The following ARSB variants were observed in gnomAD, a reference collection of about 807,000 sequenced individuals.
ARSB encodes the protein arylsulfatase B, also known as N-acetylgalactosamine-4-sulfatase.
ARSB carries 41 observed loss-of-function variants against 50.9 expected under a neutral mutation model. The observed-to-expected ratio is 0.81, with a 90% CI of 0.63 to 1.04. ARSB has a LOEUF of 1.04. ARSB is among the 50% of genes least tolerant of loss of function. The probability of loss-of-function intolerance (pLI) is 0.00; values close to 1 mark genes in which losing one functional copy is unlikely to be tolerated. For missense variants in ARSB, 672 were observed against 693.3 expected (o/e 0.97, Z 0.35); for synonymous variants, 269 against 284.8 (o/e 0.94, Z 0.56).
chr5:78,972,931 T>C (rs1752521549), intron 1 of ARSB, among the ~76,000 whole-genome samples: 1 of 152,208 alleles, frequency 6.6e-6, no homozygotes, highest in African/African-American at 2.4e-5. Flanking sequence ...ACAGAGCATT[T>C]TTATGGCATT....
At chr5:78,817,077 G>A (rs1744018552) in intron 6 of ARSB, 3 of 985,156 alleles carry the variant, frequency 3.0e-6, no homozygotes, top group South Asian at 9.4e-5. Context: ...AGCCCTCTGG[G>A]CCCTTCTGTA....
At chr5:78,797,222 A>T (rs1042555410) in intron 6 of ARSB, among the ~76,000 whole-genome samples, 2 of 152,146 alleles carry the variant, frequency 1.3e-5, no homozygotes, top group African/African-American at 4.8e-5. Context: ...TTGGTCTCCG[A>T]AAGTGCCGGG....
At chr5:78,946,677 C>T (rs915383197) in intron 4 of ARSB, among the ~76,000 whole-genome samples, 1 of 152,142 alleles carries the variant, frequency 6.6e-6, no homozygotes, top group African/African-American at 2.4e-5. Context: ...TTGGAACAAT[C>T]AATATTGTTA....
At chr5:78,789,138 T>C (rs1211392641) in intron 6 of ARSB, among the ~76,000 whole-genome samples, 2 of 152,248 alleles carry the variant, frequency 1.3e-5, no homozygotes, top group African/African-American at 4.8e-5. Context: ...CAGTCTATGA[T>C]TGTACTTTTA....
At chr5:78,854,633 TTG>T (rs201564412) in intron 5 of ARSB, among the ~76,000 whole-genome samples, 19,259 of 152,234 alleles carry the variant, frequency 0.13, 1,385 homozygotes, top group Middle Eastern at 0.21. Context: ...AGGTTTTCTC[TTG>T]TTTCTCTTTC....
intron 6 of ARSB, among the ~76,000 whole-genome samples, chr5:78,829,750 C>T (rs998837839): frequency 2.0e-5 from 3 of 152,168 alleles, no homozygotes; most frequent in African/African-American, 7.2e-5. Context: ...AAAATTCTGA[C>T]AAGATCAATA....
intron 1 of ARSB, among the ~76,000 whole-genome samples, chr5:78,982,910 A>G (rs1022634989): frequency 3.3e-5 from 5 of 152,168 alleles, no homozygotes; most frequent in African/African-American, 1.2e-4. Flanking sequence ...TAAACCTTTC[A>G]GAGTGCCCAG....
At position 78,846,683 on chromosome 5, in the gene ARSB, T is replaced by C. The variant is rs149094843; in HGVS notation, c.1143-7257A>G. 1.1e-3 allele frequency among the ~76,000 whole-genome samples: 174 copies of C among 152,328 alleles called. 1 individual carries two copies. The highest frequency in any genetic ancestry group is 3.9e-3 in the African/African-American group (163 of 41,578). ...TTAGGGTTTTCTGTATATATGATGA[T>C]ATCATCTGCAAATAGGGACAATTTG... On this transcript the variant is annotated intron_variant, in intron 5 of 7. Transcript: ENST00000264914.
intron 4 of ARSB, among the ~76,000 whole-genome samples, chr5:78,937,786 CA>C (rs1750705096): frequency 6.6e-6 from 1 of 151,692 alleles, no homozygotes; most frequent in Non-Finnish European, 1.5e-5. Flanking sequence ...CTTCTAGTTC[CA>C]AAATGATAAC....
At chr5:78,940,172 T>C (rs1280102595) in intron 4 of ARSB, among the ~76,000 whole-genome samples, 2 of 152,244 alleles carry the variant, frequency 1.3e-5, no homozygotes, top group Non-Finnish European at 1.5e-5. Context: ...TTGTAGATTC[T>C]GGATATTAGC....
chr5:78,910,724 A>G (rs1352459096), intron 4 of ARSB, among the ~76,000 whole-genome samples: 1 of 152,116 alleles, frequency 6.6e-6, no homozygotes, highest in African/African-American at 2.4e-5. Flanking sequence ...CACTAAAAAA[A>G]TTTTTAAAAA....
chr5:78,846,168 C>T (rs1385008802), intron 5 of ARSB, among the ~76,000 whole-genome samples: 1 of 152,022 alleles, frequency 6.6e-6, no homozygotes, highest in Non-Finnish European at 1.5e-5. Context: ...TTCTTGGTGC[C>T]TTTGTCAAGG....
intron 6 of ARSB, among the ~76,000 whole-genome samples, chr5:78,817,366 G>A (rs1744033702): frequency 6.6e-6 from 1 of 152,170 alleles, no homozygotes; most frequent in South Asian, 2.1e-4. Context: ...ATGTTCCCAG[G>A]ACCCACTCGG....
At chr5:78,985,400 C>T (rs1352749792), upstream of ARSB, 2 of 686,770 alleles carry the variant, frequency 2.9e-6, no homozygotes, top group Admixed American at 9.4e-5. Context: ...CGCTCGGCCC[C>T]CGCCGCCTCC....
intron 6 of ARSB, among the ~76,000 whole-genome samples, chr5:78,811,447 G>C (rs1471067717): frequency 1.3e-5 from 2 of 152,172 alleles, no homozygotes; most frequent in African/African-American, 4.8e-5. Context: ...CATCACAGGA[G>C]GCCACAAAAG....
At chr5:78,974,227 G>T (rs772117607) in intron 1 of ARSB, among the ~76,000 whole-genome samples, 2 of 152,222 alleles carry the variant, frequency 1.3e-5, no homozygotes, top group African/African-American at 4.8e-5. Flanking sequence ...CTACAGACAC[G>T]CATTATGTGT....
chr5:78,905,969 G>A (rs953259958), intron 4 of ARSB, among the ~76,000 whole-genome samples: 10 of 148,046 alleles, frequency 6.8e-5, no homozygotes, highest in African/African-American at 1.5e-4. Flanking sequence ...CTCACACTCC[G>A]GTCAGAAATG....
chr5:78,974,512 T>C (rs1752585331), intron 1 of ARSB, among the ~76,000 whole-genome samples: 1 of 152,180 alleles, frequency 6.6e-6, no homozygotes, highest in Non-Finnish European at 1.5e-5. Context: ...GAAAGGAATC[T>C]CTCAAAAGGT....
intron 2 of ARSB, among the ~76,000 whole-genome samples, chr5:78,966,989 T>C (rs12109658): frequency 1.3e-5 from 2 of 149,368 alleles, no homozygotes; most frequent in South Asian, 2.1e-4. Context: ...TGGATGAGAG[T>C]GGGGCACACA....
Sources: allele counts gnomAD v4.1 joint callset (sites outside exome capture counted in the v4.1 genomes callset), GRCh38; gene constraint gnomAD v4.1.1; transcripts MANE v1.5; gene names NCBI Gene and HGNC (gene_info 2026-07-23, HGNC 2026-07-21).